Variants in RBFOX1 observed in about 807,000 individuals in gnomAD.
The protein encoded by RBFOX1 is RNA binding protein fox-1 homolog 1.
A neutral mutation model predicts 57.7 loss-of-function variants in RBFOX1; 8 were observed. The ratio of observed to expected loss-of-function variants is 0.14; its 90% confidence interval spans 0.08 to 0.25. The LOEUF (loss-of-function observed/expected upper bound fraction) is 0.25, where lower values mean the gene tolerates loss of function less well. RBFOX1 is among the 10% of genes least tolerant of loss of function. The pLI is 1.00. For synonymous variants in RBFOX1, 326 were observed against 222.4 expected (o/e 1.47, Z -4.15); for missense variants, 611 against 548.5 (o/e 1.11, Z -1.14).
intron 12 of RBFOX1, 114 bp from the exon 13 acceptor site, chr16:7,664,815 G>A (rs1318890836): frequency 3.8e-6 from 6 of 1,586,944 alleles, no homozygotes; most frequent in African/African-American, 1.3e-5. Context: ...ACGATCCTCG[G>A]TTCCTGTGTT....
At chr16:5,606,873 C>G (rs1199697120) in intron 3 of RBFOX1, among the ~76,000 whole-genome samples, 1 of 152,088 alleles carries the variant, frequency 6.6e-6, no homozygotes. Context: ...CTGTTATAGT[C>G]TGGAAGAGGG....
Position 5,298,403 on chromosome 16 carries a change from G to C in RBFOX1, c.219+58298G>C, listed in dbSNP as rs1305938337. Among the ~76,000 whole-genome samples the C allele has an allele frequency of 2.0e-5, 3 of 150,526 alleles. No individual in the cohort carries two copies. In the Middle Eastern group the frequency reaches 0.01, roughly 519 times the overall value. ...AAGAATGATGGCGTTTTGATTTCTA[G>C]AGCGCTCCAAAATAAACATCTCTCT... On this transcript the variant is annotated intron_variant, in intron 1 of 2. Coordinates refer to the RBFOX1 transcript ENST00000585867.
In RBFOX1 at chr16:5,706,763, G is replaced by T. The variant is rs183981618; in HGVS notation, c.318+107802G>T. On this transcript the variant is annotated intron_variant, in intron 3 of 19. Transcript: ENST00000641259. ...GTTGATGGTTGATTTGTCTCCGGGGGCACCCCTATGAATTTGCAGGAAGGA... is the reference window on the plus strand; with the variant it reads ...GTTGATGGTTGATTTGTCTCCGGGGTCACCCCTATGAATTTGCAGGAAGGA... Among the ~76,000 whole-genome samples, 1,506 of 152,130 alleles carry T rather than the reference G, an allele frequency of 9.9e-3. 35 individuals are homozygous for T. Among genetic ancestry groups the T allele is most frequent in the African/African-American group, 0.035 (1,440 of 41,502 alleles).
intron 1 of RBFOX1, among the ~76,000 whole-genome samples, chr16:6,033,330 A>C (rs2095316960): frequency 6.6e-6 from 1 of 152,250 alleles, no homozygotes; most frequent in Non-Finnish European, 1.5e-5. Flanking sequence ...TTTATTTAAT[A>C]GTTTTGATTA....
chr16:7,320,092 TTGCAGGATACATG>T (rs1227366614), intron 4 of RBFOX1, among the ~76,000 whole-genome samples: 6 of 152,172 alleles, frequency 3.9e-5, no homozygotes, highest in African/African-American at 1.4e-4. Flanking sequence ...TTATTGTAAG[TTGCAGGATACATG>T]TGCAGGATGT....
intron 3 of RBFOX1, among the ~76,000 whole-genome samples, chr16:6,675,873 G>C (rs2057551217): frequency 6.6e-6 from 1 of 152,040 alleles, no homozygotes; most frequent in Admixed American, 6.6e-5. Context: ...TTCACGATGA[G>C]ATTTGGGTGA....
chr16:6,838,324 C>T (rs1422686124), intron 3 of RBFOX1, among the ~76,000 whole-genome samples: 6 of 152,092 alleles, frequency 3.9e-5, no homozygotes, highest in South Asian at 2.1e-4. Flanking sequence ...TGATGGCTTC[C>T]AGCTTCACCC....
At chr16:7,019,329 A>C (rs376116289) in intron 3 of RBFOX1, among the ~76,000 whole-genome samples, 4 of 152,292 alleles carry the variant, frequency 2.6e-5, no homozygotes, top group African/African-American at 9.6e-5. Flanking sequence ...AATTTTTCAT[A>C]TAAAATGAAT....
intron 4 of RBFOX1, among the ~76,000 whole-genome samples, chr16:7,198,974 A>T (rs2087539238): frequency 6.6e-6 from 1 of 152,112 alleles, no homozygotes; most frequent in East Asian, 1.9e-4. Context: ...CCCTTAGAGA[A>T]ATGGTGTCCA....
chr16:7,477,036 G>C (rs957865457), intron 4 of RBFOX1, among the ~76,000 whole-genome samples: 3 of 152,066 alleles, frequency 2.0e-5, no homozygotes, highest in Non-Finnish European at 2.9e-5. Flanking sequence ...TGTCAGGCTG[G>C]AACCGTGGGT....
intron 3 of RBFOX1, among the ~76,000 whole-genome samples, chr16:5,815,533 G>T (rs1351933457): frequency 1.3e-5 from 2 of 152,030 alleles, no homozygotes; most frequent in Admixed American, 1.3e-4. Context: ...ATTCCGTTTG[G>T]ACCCCACTCA....
intron 3 of RBFOX1, among the ~76,000 whole-genome samples, chr16:6,884,203 C>T (rs1492377): frequency 0.51 from 76,909 of 152,024 alleles, 19,754 homozygotes; most frequent in East Asian, 0.73. Context: ...CTTCCTGGCT[C>T]ATGTGCAGTC....
chr16:5,412,384 G>T (rs559371138), intron 1 of RBFOX1, among the ~76,000 whole-genome samples: 21 of 152,324 alleles, frequency 1.4e-4, no homozygotes, highest in African/African-American at 5.1e-4. Context: ...TATCACTAAT[G>T]ATATTTTTCT....
intron 2 of RBFOX1, among the ~76,000 whole-genome samples, chr16:6,456,924 T>C (rs924257563): frequency 6.6e-6 from 1 of 152,106 alleles, no homozygotes; most frequent in Non-Finnish European, 1.5e-5. Flanking sequence ...AGTGAGAAGA[T>C]GATGTATTAA....
intron 3 of RBFOX1, among the ~76,000 whole-genome samples, chr16:6,939,901 C>A (rs886296610): frequency 1.3e-5 from 2 of 152,084 alleles, no homozygotes; most frequent in African/African-American, 2.4e-5. Context: ...CAATTTCACT[C>A]CATAAATGCA....
At chr16:5,999,008 T>G (rs2060539525) in intron 4 of RBFOX1, among the ~76,000 whole-genome samples, 1 of 152,182 alleles carries the variant, frequency 6.6e-6, no homozygotes, top group Non-Finnish European at 1.5e-5. Context: ...GGGAAACATT[T>G]ATCCTGAATC....
At chr16:7,458,325 T>G (rs1210755455) in intron 4 of RBFOX1, among the ~76,000 whole-genome samples, 2 of 152,154 alleles carry the variant, frequency 1.3e-5, no homozygotes, top group African/African-American at 4.8e-5. Flanking sequence ...AAGTCTGCCG[T>G]GTCCCTGGGC....
chr16:6,913,392 C>A (rs1011933183), intron 3 of RBFOX1, among the ~76,000 whole-genome samples: 5 of 152,124 alleles, frequency 3.3e-5, no homozygotes, highest in African/African-American at 1.2e-4. Context: ...CAGCTGCTGT[C>A]TCTTCCGGCA....
chr16:6,824,983 G>GTTTTTTGTTT (rs2091915909), intron 3 of RBFOX1, among the ~76,000 whole-genome samples: 2 of 36,876 alleles, frequency 5.4e-5, no homozygotes, highest in Non-Finnish European at 1.2e-4. Flanking sequence ...TTCTTTCTTG[G>GTTTTTTGTTT]TTTTTTTTTT....
Sources: allele counts gnomAD v4.1 joint callset (sites outside exome capture counted in the v4.1 genomes callset), GRCh38; gene constraint gnomAD v4.1.1; transcripts MANE v1.5; gene names NCBI Gene and HGNC (gene_info 2026-07-23, HGNC 2026-07-21).